The following RBFOX1 variants were observed in gnomAD, a reference collection of about 807,000 sequenced individuals.
RBFOX1 encodes RNA binding protein fox-1 homolog 1.
RBFOX1 carries 8 observed loss-of-function variants against 57.7 expected under a neutral mutation model. The ratio of observed to expected loss-of-function variants is 0.14; its 90% CI spans 0.08 to 0.25. The LOEUF (loss-of-function observed/expected upper bound fraction) is 0.25. Ranked by LOEUF, RBFOX1 falls within the 10% of genes least tolerant of loss-of-function variation. The pLI is 1.00. For synonymous variants in RBFOX1, 326 were observed against 222.4 expected (o/e 1.47, Z -4.15); for missense variants, 611 against 548.5 (o/e 1.11, Z -1.14).
chr16:7,683,912 C>G (rs996233147), intron 14 of RBFOX1, among the ~76,000 whole-genome samples: 17 of 151,984 alleles, frequency 1.1e-4, no homozygotes, highest in African/African-American at 4.1e-4. Flanking sequence ...GCTCATGCAG[C>G]ATTTGTGGAT....
intron 2 of RBFOX1, among the ~76,000 whole-genome samples, chr16:5,583,914 G>C (rs2046752701): frequency 6.6e-6 from 1 of 152,194 alleles, no homozygotes; most frequent in African/African-American, 2.4e-5. Context: ...TTGTCTGGTG[G>C]TGCCATCTTC....
chr16:5,482,020 A>G (rs181483249), intron 2 of RBFOX1, among the ~76,000 whole-genome samples: 32 of 152,318 alleles, frequency 2.1e-4, no homozygotes, highest in Admixed American at 9.2e-4. Context: ...GGAGGGATAC[A>G]GTTCAGCCCA....
chr16:5,893,598 G>T (rs1346880576), intron 4 of RBFOX1, among the ~76,000 whole-genome samples: 1 of 152,164 alleles, frequency 6.6e-6, no homozygotes, highest in African/African-American at 2.4e-5. Flanking sequence ...CCTGAGGTCA[G>T]GGGTTCGAGA....
At chr16:6,707,260 TG>T (rs1180500814) in intron 3 of RBFOX1, among the ~76,000 whole-genome samples, 1 of 152,198 alleles carries the variant, frequency 6.6e-6, no homozygotes, top group Non-Finnish European at 1.5e-5. Flanking sequence ...CTCCAATATT[TG>T]GGAGCTGCTG....
intron 3 of RBFOX1, among the ~76,000 whole-genome samples, chr16:5,638,088 A>G (rs1355801378): frequency 1.3e-5 from 2 of 152,256 alleles, no homozygotes; most frequent in Non-Finnish European, 2.9e-5. Context: ...GATTAATCTT[A>G]GAAAATATTA....
At chr16:7,107,635 C>T (rs950369243) in intron 4 of RBFOX1, among the ~76,000 whole-genome samples, 1 of 152,066 alleles carries the variant, frequency 6.6e-6, no homozygotes, top group Admixed American at 6.6e-5. Flanking sequence ...TCCGCTCCTC[C>T]CCTTCCACCC....
intron 5 of RBFOX1, among the ~76,000 whole-genome samples, chr16:7,520,418 C>T (rs2077286127): frequency 6.6e-6 from 1 of 152,166 alleles, no homozygotes; most frequent in African/African-American, 2.4e-5. Flanking sequence ...ACTAAGCAGA[C>T]ACTCCCCATT....
chr16:6,669,025 C>T (rs531973904), intron 3 of RBFOX1, among the ~76,000 whole-genome samples: 7 of 152,094 alleles, frequency 4.6e-5, no homozygotes, highest in African/African-American at 1.4e-4. Context: ...TATCCCACTT[C>T]TTGATGTGTG....
intron 12 of RBFOX1, among the ~76,000 whole-genome samples, chr16:7,654,638 A>T (rs1597388724): frequency 6.7e-6 from 1 of 149,390 alleles, no homozygotes; most frequent in Non-Finnish European, 1.5e-5. Flanking sequence ...TGCTCAGTAA[A>T]AGAAAAAAAA....
rs529371891 is a variant in RBFOX1, at chr16:6,314,626, A to G, written c.-126-2369A>G. Among the ~76,000 whole-genome samples, 72 of 152,094 alleles carry G rather than the reference A, an allele frequency of 4.7e-4. 1 individual carries two copies. The highest frequency in any genetic ancestry group is 1.6e-3 in the African/African-American group (67 of 41,514). ...TGATTTAGCTGGATCTTAGAATGTA[A>G]GGATATGTTCGGAGATGGAGGAAGT... On this transcript the variant is annotated intron_variant, in intron 1 of 15. Coordinates refer to ENST00000550418, the MANE Select transcript of RBFOX1 (RefSeq NM_018723.4).
intron 1 of RBFOX1, among the ~76,000 whole-genome samples, chr16:6,247,284 G>T (rs1287515060): frequency 6.6e-6 from 1 of 152,164 alleles, no homozygotes; most frequent in African/African-American, 2.4e-5. Context: ...AATGGATTGA[G>T]GAGCAACCCA....
At chr16:6,418,094 T>C (rs75721491) in intron 2 of RBFOX1, among the ~76,000 whole-genome samples, 94,382 of 151,956 alleles carry the variant, frequency 0.62, 29,903 homozygotes, top group African/African-American at 0.76. Context: ...CATGACTAAG[T>C]ACGAATGGTA....
intron 2 of RBFOX1, among the ~76,000 whole-genome samples, chr16:6,481,795 G>C (rs867503333): frequency 6.6e-6 from 1 of 152,148 alleles, no homozygotes; most frequent in African/African-American, 2.4e-5. Context: ...CTCAGCATCC[G>C]TTAAATGCCA....
intron 2 of RBFOX1, among the ~76,000 whole-genome samples, chr16:6,394,460 T>G (rs1368069545): frequency 2.0e-5 from 3 of 151,756 alleles, no homozygotes; most frequent in Non-Finnish European, 4.4e-5. Context: ...TATTGCTTCT[T>G]GCAAAGAACC....
chr16:6,401,650 C>T (rs893993743), intron 2 of RBFOX1, among the ~76,000 whole-genome samples: 3 of 152,254 alleles, frequency 2.0e-5, no homozygotes, highest in Admixed American at 6.5e-5. Context: ...CATTTCAAAT[C>T]CCTTGTATAA....
chr16:7,252,327 G>A (rs1362039664), intron 4 of RBFOX1, among the ~76,000 whole-genome samples: 1 of 152,160 alleles, frequency 6.6e-6, no homozygotes, highest in African/African-American at 2.4e-5. Context: ...TAAGGAAAGT[G>A]GAAAACAAAT....
chr16:6,153,389 T>C (rs1194766836), intron 1 of RBFOX1, among the ~76,000 whole-genome samples: 1 of 152,216 alleles, frequency 6.6e-6, no homozygotes, highest in Non-Finnish European at 1.5e-5. Flanking sequence ...GAATTCTTTT[T>C]TAAATATGGA....
chr16:7,227,834 G>T (rs1015166006), intron 4 of RBFOX1, among the ~76,000 whole-genome samples: 15 of 152,214 alleles, frequency 9.9e-5, no homozygotes, highest in Non-Finnish European at 1.8e-4. Context: ...TAAGCCCACG[G>T]TGATGATGAC....
At chr16:5,516,011 A>G (rs74004363) in intron 2 of RBFOX1, among the ~76,000 whole-genome samples, 1,988 of 152,306 alleles carry the variant, frequency 0.013, 52 homozygotes, top group African/African-American at 0.046. Context: ...GAGCTTAGCC[A>G]CAATATTGCC....
Sources: allele counts gnomAD v4.1 joint callset (sites outside exome capture counted in the v4.1 genomes callset), GRCh38; gene constraint gnomAD v4.1.1; transcripts MANE v1.5; gene names NCBI Gene and HGNC (gene_info 2026-07-23, HGNC 2026-07-21).